Variants in CAMTA1 observed in about 807,000 individuals in gnomAD.
CAMTA1 encodes the protein calmodulin binding transcription activator 1.
In CAMTA1, 27 loss-of-function variants were observed where a neutral mutation model predicts 170.9. The ratio of observed to expected loss-of-function variants is 0.16; its 90% CI spans 0.12 to 0.22. CAMTA1 has a LOEUF of 0.22. Ranked by LOEUF, CAMTA1 falls within the 10% of genes least tolerant of loss-of-function variation. The pLI is 1.00. For synonymous variants in CAMTA1, 833 were observed against 891.5 expected (o/e 0.93, Z 1.17); for missense variants, 1,619 against 2,217.2 (o/e 0.73, Z 5.42).
intron 3 of CAMTA1, among the ~76,000 whole-genome samples, chr1:6,886,025 CT>C (rs1163134302): frequency 1.3e-5 from 2 of 152,172 alleles, no homozygotes; most frequent in South Asian, 2.1e-4. Context: ...TGATTTATCT[CT>C]GTTGGTGTCT....
At chr1:7,270,191 TTATATATATACA>T (rs1484865514) in intron 5 of CAMTA1, among the ~76,000 whole-genome samples, 1 of 143,804 alleles carries the variant, frequency 7.0e-6, no homozygotes, top group African/African-American at 2.7e-5. Context: ...ACTACAGGAT[TTATATATATACA>T]CATATATATA....
At chr1:7,305,773 G>A (rs1188349684) in intron 5 of CAMTA1, among the ~76,000 whole-genome samples, 2 of 152,034 alleles carry the variant, frequency 1.3e-5, no homozygotes, top group African/African-American at 2.4e-5. Context: ...TAGATAGTAA[G>A]TGTATGTTTA....
chr1:6,894,032 G>A (rs1675130385), intron 3 of CAMTA1, among the ~76,000 whole-genome samples: 1 of 152,162 alleles, frequency 6.6e-6, no homozygotes, highest in Admixed American at 6.5e-5. Flanking sequence ...ACAGGCTGTG[G>A]GATTTAAATG....
intron 3 of CAMTA1, among the ~76,000 whole-genome samples, chr1:7,003,389 A>C (rs746094952): frequency 6.6e-6 from 1 of 152,192 alleles, no homozygotes; most frequent in Non-Finnish European, 1.5e-5. Flanking sequence ...CTGCTCTGTC[A>C]ATGTAGAGTA....
intron 3 of CAMTA1, among the ~76,000 whole-genome samples, chr1:6,904,232 A>G (rs1304923002): frequency 1.3e-5 from 2 of 152,134 alleles, no homozygotes; most frequent in African/African-American, 4.8e-5. Context: ...ATTAAATCCC[A>G]TGGCCTCTTT....
intron 5 of CAMTA1, among the ~76,000 whole-genome samples, chr1:7,306,228 C>T (rs1323128732): frequency 6.6e-6 from 1 of 151,938 alleles, no homozygotes; most frequent in African/African-American, 2.4e-5. Flanking sequence ...CTCCTATGTT[C>T]GCTTTTAAAA....
intron 5 of CAMTA1, among the ~76,000 whole-genome samples, chr1:7,323,507 C>CTTTTTTTTTTTTTTTTTTTTTTTTTT (rs56382342): frequency 3.7e-5 from 4 of 109,000 alleles, no homozygotes; most frequent in Non-Finnish European, 7.0e-5. Context: ...CTTTATTCTT[C>CTTTTTTTTTTTTTTTTTTTTTTTTTT]TTTTTTTTTT....
At chr1:6,999,999 G>A (rs919763455) in intron 3 of CAMTA1, among the ~76,000 whole-genome samples, 1 of 152,220 alleles carries the variant, frequency 6.6e-6, no homozygotes, top group East Asian at 1.9e-4. Context: ...AAAGAGAATC[G>A]AGTGTTCAGG....
At chr1:7,348,987 A>G (rs746457791) in intron 5 of CAMTA1, among the ~76,000 whole-genome samples, 1 of 152,102 alleles carries the variant, frequency 6.6e-6, no homozygotes, top group Non-Finnish European at 1.5e-5. Flanking sequence ...GCTGTTTTCA[A>G]CTCAGCCACA....
At chr1:7,233,652 T>G (rs546101695) in intron 4 of CAMTA1, among the ~76,000 whole-genome samples, 2 of 152,270 alleles carry the variant, frequency 1.3e-5, no homozygotes, top group South Asian at 4.1e-4. Context: ...CAGCCAGACA[T>G]GCCAAGTCTA....
At chr1:7,711,479 A>G (rs775331150) in intron 11 of CAMTA1, among the ~76,000 whole-genome samples, 3 of 152,204 alleles carry the variant, frequency 2.0e-5, no homozygotes, top group African/African-American at 7.2e-5. Flanking sequence ...CTTGATTGTC[A>G]TAGTCCTAAA....
chr1:7,500,785 G>A (rs562481772), intron 6 of CAMTA1, among the ~76,000 whole-genome samples: 3 of 152,104 alleles, frequency 2.0e-5, no homozygotes, highest in Admixed American at 1.3e-4. Context: ...AGAGAGAAGG[G>A]AGCAGAACCT....
chr1:7,321,201 C>T (rs1456704253), intron 5 of CAMTA1, among the ~76,000 whole-genome samples: 1 of 152,212 alleles, frequency 6.6e-6, no homozygotes, highest in African/African-American at 2.4e-5. Context: ...ATGGAAGTGA[C>T]TGTCATCAGC....
intron 3 of CAMTA1, among the ~76,000 whole-genome samples, chr1:6,876,401 G>A (rs1229951053): frequency 7.4e-5 from 11 of 148,812 alleles, no homozygotes; most frequent in Admixed American, 2.0e-4. Flanking sequence ...TGCTCTTGTC[G>A]CCCAGGCTGG....
intron 4 of CAMTA1, among the ~76,000 whole-genome samples, chr1:7,221,887 A>G (rs978017713): frequency 1.3e-5 from 2 of 150,036 alleles, no homozygotes; most frequent in African/African-American, 2.5e-5. Flanking sequence ...TTCAGAGGGC[A>G]TGTGCACAAG....
intron 11 of CAMTA1, among the ~76,000 whole-genome samples, chr1:7,689,778 C>T (rs576185244): frequency 8.7e-4 from 133 of 152,302 alleles, no homozygotes; most frequent in African/African-American, 3.1e-3. Context: ...CTTCTGCATG[C>T]TCTCCTCCCT....
intron 3 of CAMTA1, among the ~76,000 whole-genome samples, chr1:6,880,674 G>T (rs979097462): frequency 6.6e-6 from 1 of 152,218 alleles, no homozygotes; most frequent in African/African-American, 2.4e-5. Flanking sequence ...ACAGGCCTGA[G>T]CCATTATGTC....
Position 7,568,142 on chromosome 1 carries a change from C to A in CAMTA1, c.511-72258C>A, listed in dbSNP as rs542421728. On this transcript the variant is annotated intron_variant, in intron 6 of 22. Coordinates refer to ENST00000303635, the MANE Select transcript of CAMTA1 (RefSeq NM_015215.4). ...CCATTATCATCATCATGATCACTAT[C>A]ACCATCATCATCCTTATCATCACCA... Among the ~76,000 whole-genome samples the A allele has an allele frequency of 7.5e-4, 114 of 152,158 alleles. 1 individual carries two copies. Among genetic ancestry groups the A allele is most frequent in the Non-Finnish European group, 1.2e-3 (84 of 67,992 alleles).
intron 11 of CAMTA1, among the ~76,000 whole-genome samples, chr1:7,711,844 C>T (rs992090672): frequency 6.6e-6 from 1 of 152,188 alleles, no homozygotes; most frequent in African/African-American, 2.4e-5. Context: ...ACTGATGATT[C>T]TGAAAGCTTT....
Sources: gnomAD v4.1 joint callset for allele counts (sites outside exome capture counted in the v4.1 genomes callset) on GRCh38, gnomAD v4.1.1 for gene constraint, MANE v1.5 for transcripts, NCBI Gene and HGNC (gene_info 2026-07-23, HGNC 2026-07-21) for gene names.